Variants in DFFB observed in about 807,000 individuals in gnomAD.
The protein encoded by DFFB is DNA fragmentation factor 40 kDa subunit.
DFFB carries 29 observed loss-of-function variants against 32.7 expected under a neutral mutation model. That is an observed-to-expected ratio of 0.89 (90% CI 0.66 to 1.21). The LOEUF is 1.21. DFFB is among the 50% of genes most tolerant of loss of function. DFFB has a pLI of 0.00. For synonymous variants in DFFB, 170 were observed against 177.1 expected (o/e 0.96, Z 0.32); for missense variants, 398 against 440.6 (o/e 0.90, Z 0.87).
At chr1:3,861,413 A>T (rs1031929565) in intron 2 of DFFB, among the ~76,000 whole-genome samples, 3 of 152,094 alleles carry the variant, frequency 2.0e-5, no homozygotes, top group African/African-American at 7.2e-5. Context: ...CCAATTATGT[A>T]CAAGTTTTTC....
rs1309001614 is a variant in DFFB, at chr1:3,885,255, T to C, written c.*1514T>C. 6.6e-6 allele frequency: 1 copy of C among 152,194 alleles called. No homozygotes were observed. Among genetic ancestry groups the C allele is most frequent in the African/African-American group, 2.4e-5 (1 of 41,448 alleles). The allele number at this position is 152,194 out of a possible 1,614,324, so 9.4% of individuals were successfully genotyped here. On this transcript the variant is annotated 3_prime_UTR_variant, in exon 7 of 7. Coordinates refer to ENST00000378209, the MANE Select transcript of DFFB (RefSeq NM_004402.4). ...TGGGGGATACGGGGGTTGGGCTAGA[T>C]TACAGAGGGCTCATTTTCTACGTCA...
chr1:3,868,533 A>C (rs1315837970), intron 4 of DFFB, among the ~76,000 whole-genome samples: 1 of 117,694 alleles, frequency 8.5e-6, no homozygotes, highest in Admixed American at 8.1e-5. Flanking sequence ...CTCTGCCCTC[A>C]TTTCCATCCA....
intron 2 of DFFB, chr1:3,860,389 G>A (rs1034321302): frequency 4.9e-6 from 2 of 412,206 alleles, no homozygotes; most frequent in Admixed American, 4.9e-5. Context: ...ACCACGTCTG[G>A]CTAATTGTTT....
chr1:3,858,146 G>A (rs867733231), intron 1 of DFFB, among the ~76,000 whole-genome samples: 2 of 152,222 alleles, frequency 1.3e-5, no homozygotes, highest in Non-Finnish European at 2.9e-5. Context: ...ATTCTAGGTT[G>A]GTTTTCTTTT....
intron 6 of DFFB, chr1:3,873,030 T>G: frequency 8.0e-7 from 1 of 1,251,282 alleles, no homozygotes; most frequent in South Asian, 1.3e-5. Context: ...AGTCTTGCTC[T>G]GTGGCCCAGG....
chr1:3,862,322 G>A (rs1258747823), intron 2 of DFFB, among the ~76,000 whole-genome samples: 4 of 151,304 alleles, frequency 2.6e-5, no homozygotes, highest in Non-Finnish European at 5.9e-5. Flanking sequence ...CAATCCCTAT[G>A]AAAATTCCAG....
At position 3,866,011 on chromosome 1, in the gene DFFB, G is replaced by C. The variant is rs1200676679; in HGVS notation, c.430+11G>C. ...CGCCGTGGTTTGAAGGTGCGTGGGG[G>C]CTGCAGCTGGCAGGGGAGAGGCTTC... On this transcript the variant is annotated intron_variant, in intron 3 of 6. Transcript: ENST00000378209. 1.3e-6 allele frequency: 2 copies of C among 1,535,964 alleles called. No individual in the cohort carries two copies. Among genetic ancestry groups the C allele is most frequent in the South Asian group, 1.3e-5 (1 of 78,246 alleles).
chr1:3,865,517 A>G lies in DFFB; in HGVS notation c.242-295A>G. 1.9e-6 allele frequency: 1 copy of G among 534,158 alleles called. No individual in the cohort carries two copies. Among genetic ancestry groups the G allele is most frequent in the Non-Finnish European group, 3.4e-6 (1 of 295,360 alleles). 33.1% of individuals were successfully genotyped at this position (534,158 alleles called of 1,614,324 possible). ...CAGGAAGGGCCAAAGTGGGGGGCGT[A>G]TGGTTTGGAGGGGAGGAGGCCAAAT... On this transcript the variant is annotated intron_variant, in intron 2 of 6. Coordinates refer to ENST00000378209, the MANE Select transcript of DFFB (RefSeq NM_004402.4). This position sits in a 1 kb window ranked among gnomAD's most constrained non-coding sequence, Gnocchi z 4.7.
chr1:3,879,829 T>G (rs946284608), intron 6 of DFFB, among the ~76,000 whole-genome samples: 4 of 152,226 alleles, frequency 2.6e-5, no homozygotes, highest in Non-Finnish European at 4.4e-5. Flanking sequence ...GCTTTTGGGT[T>G]CTTCATAAAA....
chr1:3,870,118 G>C (rs1407040690), intron 5 of DFFB, among the ~76,000 whole-genome samples: 1 of 152,224 alleles, frequency 6.6e-6, no homozygotes, highest in Non-Finnish European at 1.5e-5. Flanking sequence ...CATAGTTCTG[G>C]AGGCTGGAAG....
At chr1:3,870,020 G>T (rs893109913) in intron 5 of DFFB, among the ~76,000 whole-genome samples, 1 of 152,234 alleles carries the variant, frequency 6.6e-6, no homozygotes, top group Non-Finnish European at 1.5e-5. Flanking sequence ...GGCTTGTCTC[G>T]GTAGTGCTGG....
rs201900322 is a variant in DFFB, at chr1:3,858,770, C to G, written c.167C>G (p.Thr56Arg). 1.9e-6 allele frequency: 3 copies of G among 1,614,182 alleles called. No homozygotes were observed. Among genetic ancestry groups the G allele is most frequent in the Non-Finnish European group, 2.5e-6 (3 of 1,180,042 alleles). Reference protein sequence around the residue: ...LCLYEDGTELTEDYFPSVPDN... With the variant: ...LCLYEDGTELREDYFPSVPDN... ...CTGTACGAGGATGGCACGGAGCTGA[C>G]GGAAGATTACTTCCCCAGTGTTCCC... is the stretch of plus-strand genomic sequence containing the variant. The change falls in exon 2 of 7, where the codon ACG (threonine) becomes AGG (arginine). Residue 56 changes from threonine to arginine, a missense_variant. By Grantham distance (71) the Thr-to-Arg change is moderately conservative. Coordinates refer to ENST00000378209, the MANE Select transcript of DFFB (RefSeq NM_004402.4).
intron 6 of DFFB, among the ~76,000 whole-genome samples, chr1:3,877,616 C>T (rs559863408): frequency 6.6e-6 from 1 of 152,320 alleles, no homozygotes; most frequent in East Asian, 1.9e-4. Flanking sequence ...AGGTGTGAGC[C>T]ACCGCGCCTG....
chr1:3,871,586 G>C (rs10909814), intron 5 of DFFB, among the ~76,000 whole-genome samples: 1 of 152,198 alleles, frequency 6.6e-6, no homozygotes, highest in Non-Finnish European at 1.5e-5. Flanking sequence ...CACCGTGCCC[G>C]GCCAAGGCAG....
intron 6 of DFFB, among the ~76,000 whole-genome samples, chr1:3,876,263 C>T (rs986383538): frequency 6.6e-6 from 1 of 152,208 alleles, no homozygotes; most frequent in African/African-American, 2.4e-5. Flanking sequence ...TTGTCCTTTT[C>T]AAGACCATTG....
At chr1:3,876,319 T>C (rs1315253963) in intron 6 of DFFB, among the ~76,000 whole-genome samples, 1 of 152,170 alleles carries the variant, frequency 6.6e-6, no homozygotes, top group East Asian at 1.9e-4. Context: ...ATTTACAGAA[T>C]GAAATAGGCC....
At chr1:3,877,872 C>T (rs1039927146) in intron 6 of DFFB, among the ~76,000 whole-genome samples, 2 of 142,772 alleles carry the variant, frequency 1.4e-5, no homozygotes, top group Non-Finnish European at 3.1e-5. Flanking sequence ...TATTCTGTGC[C>T]GGCTTTCTCT....
chr1:3,872,395 G>C lies in DFFB; in HGVS notation c.682-77G>C, dbSNP rs772348734. 1,212 of 1,100,874 alleles carry C rather than the reference G, an allele frequency of 1.1e-3. 3 individuals carry two copies. Among genetic ancestry groups the C allele is most frequent in the Non-Finnish European group, 1.5e-3 (1,127 of 733,792 alleles). The allele number at this position is 1,100,874 out of a possible 1,614,324, so 68.2% of individuals were successfully genotyped here. A position where few individuals can be genotyped will look rare whatever the true frequency, so the allele number is the denominator to read the frequency against. On this transcript the variant is annotated intron_variant, in intron 5 of 6. Transcript: ENST00000378209. ...GCCACTGCACTCCAGCCTGGCGACA[G>C]AGCGAGGCGCTGTCTCAAGAAAAAA...
intron 6 of DFFB, among the ~76,000 whole-genome samples, chr1:3,873,583 G>T (rs536061140): frequency 7.3e-5 from 11 of 151,704 alleles, no homozygotes; most frequent in Non-Finnish European, 1.3e-4. Flanking sequence ...GGGTTCAAGC[G>T]ATTCTCCTAC....
Sources: allele counts gnomAD v4.1 joint callset (sites outside exome capture counted in the v4.1 genomes callset), GRCh38; gene constraint gnomAD v4.1.1; non-coding constraint Gnocchi (gnomAD v3.1); transcripts MANE v1.5; gene names NCBI Gene and HGNC (gene_info 2026-07-23, HGNC 2026-07-21).